ROPN1: variants seen among roughly 807,000 people sequenced by gnomAD.
ROPN1 encodes the protein rhophilin associated tail protein 1, also known as ropporin-1A.
In ROPN1, 14 loss-of-function variants were observed where a neutral mutation model predicts 20.5. The ratio of observed to expected loss-of-function variants is 0.68; its 90% CI spans 0.45 to 1.07. The LOEUF (loss-of-function observed/expected upper bound fraction) is 1.07, where lower values mean the gene tolerates loss of function less well. Among genes scored for constraint, ROPN1 ranks in the 50% least tolerant of loss-of-function variants. The probability of loss-of-function intolerance (pLI) is 0.00; values close to 1 mark genes in which losing one functional copy is unlikely to be tolerated. For missense variants in ROPN1, 169 were observed against 242.8 expected, an observed-to-expected ratio of 0.70 and a Z score of 2.02; for synonymous variants, 76 against 95.7, an observed-to-expected ratio of 0.79 and a Z score of 1.20.
chr3:123,976,085 GTA>G (rs2038016027), intron 3 of ROPN1, among the ~76,000 whole-genome samples: 1 of 152,160 alleles, frequency 6.6e-6, no homozygotes, highest in African/African-American at 2.4e-5. Context: ...TTGATCCCAG[GTA>G]TTTTAGAGCT....
At chr3:123,984,648 T>A (rs1247332055) in intron 1 of ROPN1, among the ~76,000 whole-genome samples, 4 of 152,168 alleles carry the variant, frequency 2.6e-5, no homozygotes, top group African/African-American at 4.8e-5. Context: ...ATCCTGACTT[T>A]CAAGGTTTTC....
chr3:123,973,804 G>C (rs1469337346), intron 4 of ROPN1, among the ~76,000 whole-genome samples: 3 of 152,204 alleles, frequency 2.0e-5, no homozygotes, highest in African/African-American at 7.2e-5. Context: ...TGAGCCAGTT[G>C]GGGAGGCATC....
rs139805410 is a variant in ROPN1, at chr3:123,969,478, C to T, written c.573-257G>A. 3.4e-3 allele frequency among the ~76,000 whole-genome samples: 514 copies of T among 152,252 alleles called. 3 individuals carry two copies. Among genetic ancestry groups the T allele is most frequent in the African/African-American group, 9.6e-3 (399 of 41,546 alleles). On this transcript the variant is annotated intron_variant, in intron 5 of 5. Transcript: ENST00000405845. ...TAACTGATACAGACACATACCACCA[C>T]GCCTAGCTAATTTTTGTATTTTTAG...
At chr3:123,986,432 G>A (rs2038257440) in intron 1 of ROPN1, among the ~76,000 whole-genome samples, 1 of 152,176 alleles carries the variant, frequency 6.6e-6, no homozygotes, top group South Asian at 2.1e-4. Context: ...GATGGAGACT[G>A]TGTGTGCTGT....
chr3:123,972,940 A>G lies in ROPN1; in HGVS notation c.396+2439T>C, dbSNP rs184038559. On this transcript the variant is annotated intron_variant, in intron 4 of 5. Coordinates refer to ENST00000405845, the MANE Select transcript of ROPN1 (RefSeq NM_001317774.2). ...CACAGTTTTGGAGTCTGGGAAGTCCAAGACCAAGAGGCCAGCAGATTTGCT... is the reference window on the plus strand; with the variant it reads ...CACAGTTTTGGAGTCTGGGAAGTCCGAGACCAAGAGGCCAGCAGATTTGCT... 5.0e-3 allele frequency among the ~76,000 whole-genome samples: 765 copies of G among 152,328 alleles called. 4 individuals carry two copies. Among genetic ancestry groups the G allele is most frequent in the Admixed American group, 7.2e-3 (110 of 15,308 alleles).
chr3:123,980,174 C>A, intron 2 of ROPN1, 192 bp downstream of exon 2: 1 of 623,616 alleles, frequency 1.6e-6, no homozygotes, highest in African/African-American at 1.8e-5. Flanking sequence ...GGGGAGGCAT[C>A]CCATCCTTGC....
At chr3:123,985,290 C>T (rs2038228008) in intron 1 of ROPN1, among the ~76,000 whole-genome samples, 3 of 152,164 alleles carry the variant, frequency 2.0e-5, no homozygotes, top group Admixed American at 6.5e-5. Context: ...TAAAACAATC[C>T]CTGTACGTTG....
At chr3:123,987,434 T>C (rs1175256899) in intron 1 of ROPN1, among the ~76,000 whole-genome samples, 2 of 152,204 alleles carry the variant, frequency 1.3e-5, no homozygotes, top group Admixed American at 1.3e-4. Context: ...TCATCTCAGT[T>C]CCTCTGTGGG....
chr3:123,970,131 G>C lies in ROPN1; in HGVS notation c.483C>G (p.Phe161Leu). ...GGSPRIPFST[F>L]QFLYTYIAKV... The stretch of plus-strand genomic sequence containing the variant: ...TGGCAATATACGTGTAGAGAAACTG[G>C]AAGGTGCTGAACGGGATCCGGGGCG... Residue 161 changes from phenylalanine (F) to leucine (L), a missense_variant, in exon 5 of 6, where the codon TTC becomes TTG. Phe to Leu is a conservative substitution (Grantham distance 22). Transcript: ENST00000405845. 1 of 1,614,192 alleles carries C rather than the reference G, an allele frequency of 6.2e-7. No homozygotes were observed. The highest frequency in any genetic ancestry group is 1.7e-5 in the Admixed American group (1 of 60,026).
chr3:123,972,720 G>A (rs1187254125), intron 4 of ROPN1, among the ~76,000 whole-genome samples: 1 of 152,164 alleles, frequency 6.6e-6, no homozygotes, highest in Non-Finnish European at 1.5e-5. Context: ...GGAACAAACT[G>A]GCTTTTCTGA....
At chr3:123,980,332 C>A (rs1262623347) in intron 2 of ROPN1, 34 bp downstream of exon 2, 16 of 1,608,336 alleles carry the variant, frequency 9.9e-6, no homozygotes, top group African/African-American at 1.3e-5. Flanking sequence ...TCCGGCCGTC[C>A]TCCAAGGGGT....
chr3:123,977,346 G>A (rs905503202), intron 2 of ROPN1, among the ~76,000 whole-genome samples: 1 of 152,130 alleles, frequency 6.6e-6, no homozygotes, highest in African/African-American at 2.4e-5. Context: ...ATATAATATT[G>A]GGAAGAGAAG....
intron 1 of ROPN1, among the ~76,000 whole-genome samples, chr3:123,981,979 A>G (rs1294478440): frequency 6.6e-6 from 1 of 152,208 alleles, no homozygotes; most frequent in Non-Finnish European, 1.5e-5. Context: ...AAGTAGACAA[A>G]TAACATGGTA....
In ROPN1 at chr3:123,985,992, CAAAA is replaced by C. The variant is rs35677015; in HGVS notation, c.-12-5503_-12-5500del. 3.0e-3 allele frequency among the ~76,000 whole-genome samples: 66 copies of C among 22,136 alleles called. 5 individuals carry two copies. In the East Asian group the frequency reaches 0.24, roughly 80 times the overall value. The allele number at this position is 22,136 out of a possible 152,430, so 14.5% of individuals were successfully genotyped here. On this transcript the variant is annotated intron_variant, in intron 1 of 5. Coordinates refer to ENST00000405845, the MANE Select transcript of ROPN1 (RefSeq NM_001317774.2). ...TGGGTGACAGAGCAAGACCTTGTCT[CAAAA>C]AAAAAAAAAAAAAAAAAAAAAATCA...
Position 123,971,250 on chromosome 3 carries a change from G to T in ROPN1, c.397-1033C>A, listed in dbSNP as rs2037910773. On this transcript the variant is annotated intron_variant, in intron 4 of 5. Transcript: ENST00000405845. ...CCTAGATGAGGCTTCTCTAACTGTG[G>T]TGTGTGTTACCCAGGAGCGTAAGTC... Among the ~76,000 whole-genome samples the T allele has an allele frequency of 2.0e-5, 3 of 152,184 alleles. No individual in the cohort carries two copies. In the South Asian group the frequency reaches 6.2e-4, roughly 32 times the overall value.
chr3:123,974,238 C>T (rs1397185318), intron 4 of ROPN1, among the ~76,000 whole-genome samples: 1 of 152,206 alleles, frequency 6.6e-6, no homozygotes, highest in Non-Finnish European at 1.5e-5. Flanking sequence ...AAATCTGTAA[C>T]CCTATGAGAA....
At position 123,987,713 on chromosome 3, in the gene ROPN1, C is replaced by T. The variant is rs189490463; in HGVS notation, c.-13+4209G>A. ...AGTCAACACAGCATTTGGATGCCAACAGCAATATTGCTAAGAGCAGTCCTA... is the reference window on the plus strand; with the variant it reads ...AGTCAACACAGCATTTGGATGCCAATAGCAATATTGCTAAGAGCAGTCCTA... On this transcript the variant is annotated intron_variant, in intron 1 of 5. Coordinates refer to ENST00000405845, the MANE Select transcript of ROPN1 (RefSeq NM_001317774.2). Among the ~76,000 whole-genome samples, 9 of 152,366 alleles carry T rather than the reference C, an allele frequency of 5.9e-5. No homozygotes were observed. In the East Asian group the frequency reaches 1.7e-3, roughly 29 times the overall value.
intron 2 of ROPN1, chr3:123,980,056 G>C: frequency 2.0e-6 from 1 of 506,428 alleles, no homozygotes; most frequent in South Asian, 3.8e-5. Context: ...GGCGTGCAGG[G>C]AGGAGGTGGG....
At chr3:123,977,096 T>A (rs561104193) in intron 2 of ROPN1, 115 bp from the exon 3 acceptor site, 288 of 1,087,734 alleles carry the variant, frequency 2.6e-4, no homozygotes, top group Admixed American at 6.0e-4. Flanking sequence ...GAACCTTTGT[T>A]AAGTGGCTTC....
Sources: allele counts gnomAD v4.1 joint callset (sites outside exome capture counted in the v4.1 genomes callset), GRCh38; gene constraint gnomAD v4.1.1; transcripts MANE v1.5; gene names NCBI Gene and HGNC (gene_info 2026-07-23, HGNC 2026-07-21).